The following PCDH15 variants were observed in gnomAD, a reference collection of about 807,000 sequenced individuals.
The protein encoded by PCDH15 is protocadherin related 15.
PCDH15 carries 129 observed loss-of-function variants against 178.5 expected under a neutral mutation model. The observed-to-expected ratio is 0.72, with a 90% CI of 0.63 to 0.84. The LOEUF (loss-of-function observed/expected upper bound fraction) is 0.84, where lower values mean the gene tolerates loss of function less well. PCDH15 is among the 40% of genes least tolerant of loss of function. The pLI is 0.00. For missense variants in PCDH15, 2,230 were observed against 2,099.9 expected (o/e 1.06, Z -1.21); for synonymous variants, 800 against 732.0 (o/e 1.09, Z -1.50).
In PCDH15 at chr10:53,822,829, A is replaced by G. The variant is rs952697934; in HGVS notation, c.4368-2599T>C. On this transcript the variant is annotated intron_variant, in intron 32 of 37. Coordinates refer to ENST00000644397, the MANE Select transcript of PCDH15 (RefSeq NM_001384140.1). ...TGCCTTATTTCCTCTTTCTCTGTCA[A>G]ATTTGCCTCTTCAGTTGTAAGCAAT... 5 of 1,614,006 alleles carry G rather than the reference A, an allele frequency of 3.1e-6. No individual in the cohort carries two copies. Among genetic ancestry groups the G allele is most frequent in the Non-Finnish European group, 4.2e-6 (5 of 1,179,958 alleles).
At chr10:54,800,173 C>T (rs1014228756) in intron 1 of PCDH15, among the ~76,000 whole-genome samples, 2 of 152,080 alleles carry the variant, frequency 1.3e-5, no homozygotes, top group African/African-American at 4.8e-5. Flanking sequence ...CACAGAGTAT[C>T]AACACACTGA....
intron 2 of PCDH15, among the ~76,000 whole-genome samples, chr10:55,099,273 T>C (rs957930141): frequency 1.3e-5 from 2 of 152,088 alleles, no homozygotes; most frequent in Non-Finnish European, 2.9e-5. Flanking sequence ...ATATTCATTA[T>C]TGTCCAAACA....
intron 28 of PCDH15, among the ~76,000 whole-genome samples, chr10:53,848,822 C>T (rs1234732252): frequency 4.6e-5 from 7 of 151,950 alleles, no homozygotes; most frequent in African/African-American, 1.7e-4. Flanking sequence ...ATCTTTCGAT[C>T]ATGCTATTTT....
intron 2 of PCDH15, chr10:54,606,233 A>G (rs373839343): frequency 3.9e-5 from 6 of 152,110 alleles, no homozygotes; most frequent in African/African-American, 1.4e-4. Flanking sequence ...TATGGGAAGA[A>G]CCCATTTGTT....
At chr10:54,372,197 G>C (rs567464627) in intron 4 of PCDH15, among the ~76,000 whole-genome samples, 48 of 151,946 alleles carry the variant, frequency 3.2e-4, no homozygotes, top group African/African-American at 1.1e-3. Flanking sequence ...TCCAATTATT[G>C]CAAGAGAGAC....
chr10:55,605,317 G>A (rs61851742), intron 2 of PCDH15, among the ~76,000 whole-genome samples: 137 of 140,820 alleles, frequency 9.7e-4, no homozygotes, highest in South Asian at 2.6e-3. Flanking sequence ...TACCAGAGGT[G>A]CAAGGAGGAA....
chr10:54,219,902 A>G (rs2052595638), intron 9 of PCDH15, among the ~76,000 whole-genome samples: 1 of 152,038 alleles, frequency 6.6e-6, no homozygotes, highest in African/African-American at 2.4e-5. Flanking sequence ...TATTTTTTCA[A>G]AATAATGAGG....
chr10:55,173,978 C>T (rs988154316), intron 1 of PCDH15, among the ~76,000 whole-genome samples: 1 of 152,062 alleles, frequency 6.6e-6, no homozygotes, highest in Admixed American at 6.6e-5. Flanking sequence ...TTATTTCACA[C>T]TTTATGGTAC....
In PCDH15 at chr10:53,929,975, A is replaced by G. The variant is rs1018291215; in HGVS notation, c.3373+8840T>C. 2.0e-5 allele frequency among the ~76,000 whole-genome samples: 3 copies of G among 152,124 alleles called. No individual in the cohort carries two copies. The South Asian group carries it at 6.2e-4, about 32-fold the overall frequency. The stretch of plus-strand genomic sequence containing the variant: ...CTTTTGCTCTACATAAAAGAATGGG[A>G]ATGACTCTGTGGCACAAATATTAAC... On this transcript the variant is annotated intron_variant, in intron 25 of 37. Transcript: ENST00000644397.
chr10:55,184,477 T>C (rs1253246356), intron 1 of PCDH15, among the ~76,000 whole-genome samples: 1 of 151,988 alleles, frequency 6.6e-6, no homozygotes, highest in Non-Finnish European at 1.5e-5. Context: ...GCATTTATAA[T>C]ACAAATTAAG....
In PCDH15 at chr10:54,133,005, T is replaced by C. The variant is rs1412454316; in HGVS notation, c.1787A>G (p.Asn596Ser). 6.2e-7 allele frequency: 1 copy of C among 1,613,920 alleles called. No individual in the cohort carries two copies. Among genetic ancestry groups the C allele is most frequent in the Non-Finnish European group, 8.5e-7 (1 of 1,179,922 alleles). The change falls in exon 15 of 38, where the codon AAC becomes AGC. Residue 596 changes from asparagine (N) to serine (S), a missense_variant and splice_region_variant. Coordinates refer to ENST00000644397, the MANE Select transcript of PCDH15 (RefSeq NM_001384140.1). The stretch of plus-strand genomic sequence containing the variant: ...TTCAATATACACAGTGCAGATGGAG[T>C]TCCTGCAGAGAAAGAGAGGAAAAGA... ...ADNAPPAERRNSICTVYIEVL... is the reference protein window; with the variant it reads ...ADNAPPAERRSSICTVYIEVL...
chr10:55,022,304 T>C (rs1840350439), intron 2 of PCDH15, among the ~76,000 whole-genome samples: 1 of 151,606 alleles, frequency 6.6e-6, no homozygotes, highest in Non-Finnish European at 1.5e-5. Flanking sequence ...ACACAAAAAT[T>C]AGCTGGGCAT....
intron 1 of PCDH15, among the ~76,000 whole-genome samples, chr10:54,753,433 C>T (rs1946607614): frequency 6.6e-6 from 1 of 152,104 alleles, no homozygotes; most frequent in Admixed American, 6.6e-5. Context: ...ATCTGTCCAC[C>T]TCGGCCTCTA....
intron 1 of PCDH15, among the ~76,000 whole-genome samples, chr10:55,256,193 T>C (rs2132229485): frequency 6.6e-6 from 1 of 152,348 alleles, no homozygotes; most frequent in East Asian, 1.9e-4. Flanking sequence ...CCAGCACCAT[T>C]TATTAAATAG....
intron 3 of PCDH15, among the ~76,000 whole-genome samples, chr10:54,404,503 A>G (rs1589236673): frequency 6.6e-6 from 1 of 151,994 alleles, no homozygotes; most frequent in Non-Finnish European, 1.5e-5. Flanking sequence ...TCCTTATACC[A>G]TATACAAAAA....
chr10:55,028,938 T>C (rs934635564), intron 2 of PCDH15, among the ~76,000 whole-genome samples: 4 of 151,594 alleles, frequency 2.6e-5, no homozygotes, highest in African/African-American at 9.7e-5. Flanking sequence ...CACGTAATCA[T>C]AGTGAAAACA....
At chr10:55,357,189 T>C (rs1252523067) in intron 2 of PCDH15, among the ~76,000 whole-genome samples, 2 of 151,936 alleles carry the variant, frequency 1.3e-5, no homozygotes, top group African/African-American at 2.4e-5. Flanking sequence ...AAAATGAAAT[T>C]ATATTGAAAA....
chr10:54,936,895 T>C (rs1837921047), intron 2 of PCDH15, among the ~76,000 whole-genome samples: 1 of 151,908 alleles, frequency 6.6e-6, no homozygotes, highest in African/African-American at 2.4e-5. Context: ...TTGTGCTTTT[T>C]GTCATATTTA....
chr10:54,489,538 T>A (rs1418019360), intron 3 of PCDH15, among the ~76,000 whole-genome samples: 2 of 152,138 alleles, frequency 1.3e-5, no homozygotes, highest in Non-Finnish European at 2.9e-5. Context: ...TAAGATAGTT[T>A]TGTTCAGGAA....
Sources: allele counts gnomAD v4.1 joint callset (sites outside exome capture counted in the v4.1 genomes callset), GRCh38; gene constraint gnomAD v4.1.1; transcripts MANE v1.5; gene names NCBI Gene and HGNC (gene_info 2026-07-23, HGNC 2026-07-21).